Variants in SIL1 observed in about 807,000 individuals in gnomAD.
SIL1 encodes SIL1 nucleotide exchange factor, also known as nucleotide exchange factor SIL1.
In SIL1, 40 loss-of-function variants were observed where a neutral mutation model predicts 49.1. The observed-to-expected ratio is 0.81, with a 90% CI of 0.63 to 1.06. The LOEUF (loss-of-function observed/expected upper bound fraction) is 1.06. SIL1 is among the 50% of genes least tolerant of loss of function. The pLI is 0.00. For synonymous variants in SIL1, 253 were observed against 250.8 expected (o/e 1.01, Z -0.08); for missense variants, 500 against 572.6 (o/e 0.87, Z 1.29).
At chr5:139,167,688 C>T (rs895708481) in intron 1 of SIL1, among the ~76,000 whole-genome samples, 1 of 152,076 alleles carries the variant, frequency 6.6e-6, no homozygotes, top group East Asian at 1.9e-4. Context: ...ATAAATGTAG[C>T]GTAGCCTAAG....
At chr5:139,068,508 G>A (rs1581074951) in intron 3 of SIL1, among the ~76,000 whole-genome samples, 1 of 151,982 alleles carries the variant, frequency 6.6e-6, no homozygotes, top group Non-Finnish European at 1.5e-5. Flanking sequence ...AGACTTGGAC[G>A]ACAGAAATAA....
At chr5:138,999,788 T>C (rs1282363790) in intron 7 of SIL1, among the ~76,000 whole-genome samples, 3 of 152,210 alleles carry the variant, frequency 2.0e-5, no homozygotes, top group Non-Finnish European at 2.9e-5. Context: ...AGATCTGTTG[T>C]TTGGAAGGCT....
At chr5:139,156,652 T>C (rs889537274) in intron 1 of SIL1, among the ~76,000 whole-genome samples, 16 of 152,166 alleles carry the variant, frequency 1.1e-4, no homozygotes, top group African/African-American at 3.9e-4. Flanking sequence ...TGATTGAGAT[T>C]TGTAGACATT....
At chr5:139,167,621 A>C (rs1175761834) in intron 1 of SIL1, among the ~76,000 whole-genome samples, 2 of 152,236 alleles carry the variant, frequency 1.3e-5, no homozygotes, top group Non-Finnish European at 2.9e-5. Context: ...AAAGTATATA[A>C]AGTAAAAATA....
intron 1 of SIL1, among the ~76,000 whole-genome samples, chr5:139,137,913 A>G (rs1751007715): frequency 6.6e-6 from 1 of 151,828 alleles, no homozygotes; most frequent in Non-Finnish European, 1.5e-5. Flanking sequence ...ACGCGCACAC[A>G]CACACATACC....
At chr5:139,091,980 G>T (rs1770352968) in intron 3 of SIL1, among the ~76,000 whole-genome samples, 1 of 152,196 alleles carries the variant, frequency 6.6e-6, no homozygotes, top group Non-Finnish European at 1.5e-5. Flanking sequence ...GAGATCTTAG[G>T]CCATCTAGTT....
chr5:139,012,316 A>G (rs1490947411), intron 7 of SIL1: 3 of 152,272 alleles, frequency 2.0e-5, no homozygotes, highest in African/African-American at 7.2e-5. Flanking sequence ...TGGCCTCCCA[A>G]AGTGCTTTGA....
chr5:139,145,929 C>T (rs1312139314), intron 1 of SIL1, among the ~76,000 whole-genome samples: 1 of 150,652 alleles, frequency 6.6e-6, no homozygotes, highest in Non-Finnish European at 1.5e-5. Context: ...AAAGAGGCAT[C>T]ATAATGACAA....
At chr5:139,127,194 G>A (rs781371827) in intron 2 of SIL1, among the ~76,000 whole-genome samples, 3 of 152,232 alleles carry the variant, frequency 2.0e-5, no homozygotes, top group Non-Finnish European at 2.9e-5. Flanking sequence ...GGAGGATACA[G>A]AGATGGAGAT....
chr5:138,993,472 T>C (rs976586586), intron 7 of SIL1, among the ~76,000 whole-genome samples: 1 of 152,258 alleles, frequency 6.6e-6, no homozygotes, highest in African/African-American at 2.4e-5. Flanking sequence ...AGACGCATCC[T>C]TGTGTAATTA....
intron 3 of SIL1, among the ~76,000 whole-genome samples, chr5:139,085,943 T>C (rs946372461): frequency 2.6e-5 from 4 of 152,198 alleles, no homozygotes; most frequent in African/African-American, 9.6e-5. Context: ...GAGCTAACAA[T>C]GGACTCCAGT....
At chr5:139,022,990 T>G (rs1244977028) in intron 6 of SIL1, among the ~76,000 whole-genome samples, 1 of 152,242 alleles carries the variant, frequency 6.6e-6, no homozygotes, top group Non-Finnish European at 1.5e-5. Context: ...AAAGCTGGTA[T>G]GAGTTCCTAG....
chr5:139,062,452 A>C (rs1278283577), intron 3 of SIL1, among the ~76,000 whole-genome samples: 2 of 152,130 alleles, frequency 1.3e-5, no homozygotes, highest in African/African-American at 2.4e-5. Context: ...GAAATCCCCA[A>C]GCTGCATGAA....
chr5:139,182,360 G>A (rs1561893633), intron 1 of SIL1, among the ~76,000 whole-genome samples: 1 of 152,186 alleles, frequency 6.6e-6, no homozygotes, highest in Non-Finnish European at 1.5e-5. Flanking sequence ...TGTTACTCAA[G>A]GCATGGACCA....
At chr5:139,096,864 G>A (rs1770477983) in intron 3 of SIL1, among the ~76,000 whole-genome samples, 1 of 151,932 alleles carries the variant, frequency 6.6e-6, no homozygotes, top group African/African-American at 2.4e-5. Context: ...GCCACAGGTG[G>A]GTAGAGCACC....
chr5:139,180,058 TAAAAAAA>T (rs33982607), intron 1 of SIL1, among the ~76,000 whole-genome samples: 1 of 122,146 alleles, frequency 8.2e-6, no homozygotes, highest in African/African-American at 3.1e-5. Context: ...CCTGTCTCTT[TAAAAAAA>T]AAAAAAAAAA....
intron 3 of SIL1, among the ~76,000 whole-genome samples, chr5:139,060,097 A>G (rs1275660751): frequency 2.0e-5 from 3 of 152,352 alleles, no homozygotes; most frequent in East Asian, 3.9e-4. Context: ...GTTATTAATT[A>G]GTAATACTTG....
At chr5:139,114,217 T>C (rs1384190250) in intron 3 of SIL1, among the ~76,000 whole-genome samples, 1 of 152,232 alleles carries the variant, frequency 6.6e-6, no homozygotes, top group Non-Finnish European at 1.5e-5. Context: ...GTGGCTGCCA[T>C]GGAGGTTGCA....
Position 138,999,157 on chromosome 5 carries a change from G to A in SIL1, c.767+22014C>T, listed in dbSNP as rs904707647. ...CAGGTGTGAGCCACCATGCCCGGCC[G>A]AGGATTATCTTTCAACATGAGATTT... On this transcript the variant is annotated intron_variant, in intron 7 of 9. Transcript: ENST00000394817. Among the ~76,000 whole-genome samples, 74 of 152,226 alleles carry A rather than the reference G, an allele frequency of 4.9e-4. 3 individuals carry two copies. Among genetic ancestry groups the A allele is most frequent in the East Asian group, 3.9e-4 (2 of 5,184 alleles).
Sources: allele counts gnomAD v4.1 joint callset (sites outside exome capture counted in the v4.1 genomes callset), GRCh38; gene constraint gnomAD v4.1.1; transcripts MANE v1.5; gene names NCBI Gene and HGNC (gene_info 2026-07-23, HGNC 2026-07-21).